The following ARHGEF10 variants were observed in gnomAD, a reference collection of about 807,000 sequenced individuals.
ARHGEF10 encodes Rho guanine nucleotide exchange factor 10.
A neutral mutation model predicts 147.4 loss-of-function variants in ARHGEF10; 140 were observed. The observed-to-expected ratio is 0.95, with a 90% CI of 0.83 to 1.09. The LOEUF (loss-of-function observed/expected upper bound fraction) is 1.09, where lower values mean the gene tolerates loss of function less well. Ranked by LOEUF, ARHGEF10 falls within the 50% of genes least tolerant of loss-of-function variation. The pLI is 0.00. For synonymous variants in ARHGEF10, 902 were observed against 695.8 expected, an observed-to-expected ratio of 1.30 and a Z score of -4.67; for missense variants, 2,222 against 1,752.7, an observed-to-expected ratio of 1.27 and a Z score of -4.78.
chr8:1,933,768 A>C, intron 25 of ARHGEF10, 32 bp from the exon 26 acceptor site: 1 of 1,614,044 alleles, frequency 6.2e-7, no homozygotes, highest in South Asian at 1.1e-5. Flanking sequence ...CAGAAAACTG[A>C]ACTTGAATGA....
At chr8:1,884,122 G>A (rs566845025) in intron 10 of ARHGEF10, among the ~76,000 whole-genome samples, 5 of 152,306 alleles carry the variant, frequency 3.3e-5, no homozygotes, top group South Asian at 4.1e-4. Flanking sequence ...GGCCGGGCAC[G>A]GTGGCTCATG....
At chr8:1,918,737 C>T (rs968739012) in intron 18 of ARHGEF10, among the ~76,000 whole-genome samples, 3 of 152,168 alleles carry the variant, frequency 2.0e-5, no homozygotes, top group Non-Finnish European at 4.4e-5. Context: ...TGAACCTATT[C>T]CTCCCAATGA....
intron 11 of ARHGEF10, among the ~76,000 whole-genome samples, chr8:1,889,220 G>GGTGAGGGTTGTGTGAGATGCTTAGTGGT (rs56072337): frequency 1.1e-5 from 1 of 90,040 alleles, no homozygotes; most frequent in African/African-American, 5.7e-5. Context: ...CACTGAATGG[G>GGTGAGGGTTGTGTGAGATGCTTAGTGGT]GTGAGGGTTG....
chr8:1,950,294 A>G (rs1453784561), intron 27 of ARHGEF10, among the ~76,000 whole-genome samples: 1 of 152,138 alleles, frequency 6.6e-6, no homozygotes, highest in Non-Finnish European at 1.5e-5. Context: ...GGACGCCTGG[A>G]TAGCGGCACT....
chr8:1,864,317 T>C, intron 4 of ARHGEF10, 56 bp from the exon 5 acceptor site: 2 of 1,561,700 alleles, frequency 1.3e-6, no homozygotes, highest in Non-Finnish European at 1.8e-6. Context: ...AAACATCAAC[T>C]TCATGAGCAT....
At chr8:1,903,733 AC>A (rs1396452467) in intron 16 of ARHGEF10, 1 of 505,284 alleles carries the variant, frequency 2.0e-6, no homozygotes, top group Admixed American at 3.4e-5. Context: ...GTTAAGAGCA[AC>A]TCCTTTAGCT....
At chr8:1,904,060 G>A (rs1810694823) in intron 16 of ARHGEF10, 1 of 154,056 alleles carries the variant, frequency 6.5e-6, no homozygotes, top group African/African-American at 2.4e-5. Context: ...TTGAGGTGCT[G>A]CACTCTAGCC....
At chr8:1,952,657 C>T (rs1394529970) in intron 27 of ARHGEF10, 48 bp from the exon 28 acceptor site, 4 of 1,610,806 alleles carry the variant, frequency 2.5e-6, no homozygotes, top group Admixed American at 1.7e-5. Flanking sequence ...GCCCCACCAA[C>T]TCTGCTACAC....
At position 1,938,520 on chromosome 8, in the gene ARHGEF10, T is replaced by TA. The variant is rs549887088; in HGVS notation, c.3222+4582dup. Among the ~76,000 whole-genome samples the TA allele has an allele frequency of 9.8e-3, 1,500 of 152,306 alleles. 10 individuals carry two copies. The highest frequency in any genetic ancestry group is 0.024 in the Middle Eastern group (7 of 294). ...ACTGAAGGGAAAAACAATGAAATAATAAAATAGGCGAGATATTAAAGATGA... is the reference window on the plus strand; with the variant it reads ...ACTGAAGGGAAAAACAATGAAATAATAAAAATAGGCGAGATATTAAAGATGA... On this transcript the variant is annotated intron_variant, in intron 26 of 28. Coordinates refer to ENST00000349830, the MANE Select transcript of ARHGEF10 (RefSeq NM_014629.4).
At chr8:1,917,016 A>T (rs1811808012) in intron 18 of ARHGEF10, among the ~76,000 whole-genome samples, 1 of 152,252 alleles carries the variant, frequency 6.6e-6, no homozygotes, top group Non-Finnish European at 1.5e-5. Context: ...GAAGTCATTT[A>T]AACTGACTAC....
At chr8:1,898,067 C>G (rs904603230) in intron 14 of ARHGEF10, among the ~76,000 whole-genome samples, 1 of 152,174 alleles carries the variant, frequency 6.6e-6, no homozygotes, top group Non-Finnish European at 1.5e-5. Flanking sequence ...AGCCGTCAGC[C>G]TCCAGGACGT....
At chr8:1,844,205 G>A (rs894352720) in intron 2 of ARHGEF10, among the ~76,000 whole-genome samples, 3 of 152,170 alleles carry the variant, frequency 2.0e-5, no homozygotes, top group Non-Finnish European at 4.4e-5. Context: ...CACTGTGGGT[G>A]TGGGTCTTGG....
intron 6 of ARHGEF10, among the ~76,000 whole-genome samples, chr8:1,867,169 C>T (rs955005310): frequency 6.6e-6 from 1 of 152,020 alleles, no homozygotes; most frequent in African/African-American, 2.4e-5. Flanking sequence ...ATTTAGTAGC[C>T]TCTTATTTAT....
chr8:1,881,992 G>A (rs116424522), intron 9 of ARHGEF10, among the ~76,000 whole-genome samples: 17 of 152,316 alleles, frequency 1.1e-4, no homozygotes, highest in African/African-American at 2.9e-4. Flanking sequence ...CTAGGCAGCC[G>A]TGAGTGTCCA....
chr8:1,870,137 C>T (rs1304925747), intron 7 of ARHGEF10: 1 of 152,012 alleles, frequency 6.6e-6, no homozygotes, highest in Non-Finnish European at 1.5e-5. Flanking sequence ...CAGCCGGAGC[C>T]CCAGCCAGTG....
chr8:1,869,803 G>T, intron 7 of ARHGEF10: 1 of 185,926 alleles, frequency 5.4e-6, no homozygotes, highest in Non-Finnish European at 1.1e-5. Flanking sequence ...CACAGGAACC[G>T]CTATTCCACT....
chr8:1,917,835 C>T (rs941359073), intron 18 of ARHGEF10, among the ~76,000 whole-genome samples: 5 of 151,902 alleles, frequency 3.3e-5, no homozygotes, highest in Non-Finnish European at 4.4e-5. Context: ...AGTGCAATGG[C>T]GTGATCTTGG....
intron 18 of ARHGEF10, among the ~76,000 whole-genome samples, chr8:1,911,260 A>G (rs540046237): frequency 1.3e-5 from 2 of 152,052 alleles, no homozygotes; most frequent in Admixed American, 6.5e-5. Flanking sequence ...TTGAAAACGT[A>G]TATGATTGTG....
At chr8:1,873,789 G>T (rs34673088) in intron 7 of ARHGEF10, among the ~76,000 whole-genome samples, 1 of 119,424 alleles carries the variant, frequency 8.4e-6, no homozygotes. Context: ...TAGAGTTCGG[G>T]GCTCTCAGAA....
Sources: allele counts gnomAD v4.1 joint callset (sites outside exome capture counted in the v4.1 genomes callset), GRCh38; gene constraint gnomAD v4.1.1; transcripts MANE v1.5; gene names NCBI Gene and HGNC (gene_info 2026-07-23, HGNC 2026-07-21).